The following PRDM16 variants were observed in gnomAD, a reference collection of about 807,000 sequenced individuals.
PRDM16 encodes PR/SET domain 16.
In PRDM16, 23 loss-of-function variants were observed where a neutral mutation model predicts 110.6. The observed-to-expected ratio is 0.21, with a 90% CI of 0.15 to 0.29. The LOEUF (loss-of-function observed/expected upper bound fraction) is 0.29. Among genes scored for constraint, PRDM16 ranks in the 10% least tolerant of loss-of-function variants. The probability of loss-of-function intolerance (pLI) is 1.00; values close to 1 mark genes in which losing one functional copy is unlikely to be tolerated. For synonymous variants in PRDM16, 799 were observed against 781.8 expected (o/e 1.02, Z -0.37); for missense variants, 1,615 against 1,794.3 (o/e 0.90, Z 1.81).
Position 3,404,906 on chromosome 1 carries a change from C to T in PRDM16, c.1032+20C>T, listed in dbSNP as rs750848410. ...GTGAAGGTAACCTGCGGGGCGGCCC[C>T]GTCTCAGCCCCGGGGCAGCAGGAGG... On this transcript the variant is annotated intron_variant, in intron 7 of 16. Transcript: ENST00000270722. 1.7e-5 allele frequency: 27 copies of T among 1,609,880 alleles called. No homozygotes were observed. Among genetic ancestry groups the T allele is most frequent in the African/African-American group, 1.3e-4 (10 of 74,744 alleles).
intron 3 of PRDM16, among the ~76,000 whole-genome samples, chr1:3,295,707 G>A (rs1193105652): frequency 6.6e-6 from 1 of 152,188 alleles, no homozygotes; most frequent in Non-Finnish European, 1.5e-5. Context: ...TCTGGGGGAA[G>A]CTCCGTTGAC....
At chr1:3,073,664 C>A (rs1048415698) in intron 1 of PRDM16, among the ~76,000 whole-genome samples, 6 of 152,178 alleles carry the variant, frequency 3.9e-5, no homozygotes, top group African/African-American at 1.4e-4. Flanking sequence ...GGTCGGGGAG[C>A]GGGGCCTGGG....
chr1:3,129,102 G>A (rs879337252), intron 1 of PRDM16, among the ~76,000 whole-genome samples: 12 of 152,214 alleles, frequency 7.9e-5, no homozygotes, highest in Admixed American at 6.5e-4. Flanking sequence ...TGGCTGGTGT[G>A]CGTGCATGGG....
rs753875526 is a variant in PRDM16 at position 3,404,725 on chromosome 1, C to T, written c.885-14C>T. 1.1e-5 allele frequency: 17 copies of T among 1,612,832 alleles called. No individual in the cohort carries two copies. Among genetic ancestry groups the T allele is most frequent in the African/African-American group, 1.3e-5 (1 of 75,040 alleles). On this transcript the variant is annotated splice_polypyrimidine_tract_variant and intron_variant, in intron 6 of 16. Transcript: ENST00000270722. ...GGTAGTCGGGCCCCGCAGTGAGCCT[C>T]GTCCTCTGCGCAGCCTGGAGCAGCA...
intron 1 of PRDM16, among the ~76,000 whole-genome samples, chr1:3,096,331 T>A (rs991443428): frequency 1.2e-4 from 18 of 152,226 alleles, no homozygotes; most frequent in African/African-American, 3.6e-4. Context: ...CGCGGGCCCC[T>A]TCCTCACGTC....
In PRDM16 at chr1:3,390,000, C is replaced by T. The variant is rs555104718; in HGVS notation, c.573+4714C>T. Among the ~76,000 whole-genome samples the T allele has an allele frequency of 4.1e-5, 5 of 122,294 alleles. No homozygotes were observed. In the South Asian group the frequency reaches 1.5e-3, roughly 36 times the overall value. 80.2% of individuals were successfully genotyped at this position (122,294 alleles called of 152,430 possible). A position where few individuals can be genotyped will look rare whatever the true frequency, so the allele number is the denominator to read the frequency against. On this transcript the variant is annotated intron_variant, in intron 4 of 16. Coordinates refer to ENST00000270722, the MANE Select transcript of PRDM16 (RefSeq NM_022114.4). ...CTCCTACTTTCCCTTTTGGAAAATT[C>T]AAGACACTCAGATCACCCCTGGGTG...
intron 3 of PRDM16, among the ~76,000 whole-genome samples, chr1:3,344,725 G>T (rs540302431): frequency 1.3e-3 from 194 of 152,296 alleles, no homozygotes; most frequent in African/African-American, 4.5e-3. Flanking sequence ...TGAGTTTGCA[G>T]AAGTGTGGCT....
intron 3 of PRDM16, among the ~76,000 whole-genome samples, chr1:3,368,690 A>AT (rs1259825367): frequency 6.6e-6 from 1 of 152,088 alleles, no homozygotes; most frequent in Non-Finnish European, 1.5e-5. Flanking sequence ...ATTCAGCAGG[A>AT]TTTTTTCTTC....
At chr1:3,145,778 G>T (rs559277654) in intron 1 of PRDM16, among the ~76,000 whole-genome samples, 1 of 152,316 alleles carries the variant, frequency 6.6e-6, no homozygotes, top group East Asian at 1.9e-4. Context: ...GCCCACCGAG[G>T]CTCCCGATAA....
At chr1:3,298,221 C>T (rs959391310) in intron 3 of PRDM16, among the ~76,000 whole-genome samples, 2 of 152,216 alleles carry the variant, frequency 1.3e-5, no homozygotes, top group Admixed American at 1.3e-4. Context: ...CCTGAGTGTG[C>T]AGGGGACACT....
chr1:3,132,678 G>T lies in PRDM16; in HGVS notation c.38-53447G>T, dbSNP rs375265141. On this transcript the variant is annotated intron_variant, in intron 1 of 16. Transcript: ENST00000270722. ...CCCGGTTCATACTGTTGCCCGAGAA[G>T]TCAACACCTCTGCCTCCCAAGAGAG... 4.6e-5 allele frequency among the ~76,000 whole-genome samples: 7 copies of T among 152,316 alleles called. No individual in the cohort carries two copies. The East Asian group carries it at 1.2e-3, about 25-fold the overall frequency.
At chr1:3,254,945 G>A (rs1245883013) in intron 3 of PRDM16, among the ~76,000 whole-genome samples, 1 of 152,182 alleles carries the variant, frequency 6.6e-6, no homozygotes, top group East Asian at 1.9e-4. Context: ...CATGGTACTG[G>A]AACCAAAACA....
In PRDM16 at chr1:3,434,987, G is replaced by A. The variant is rs765513204; in HGVS notation, c.*1176G>A. 39 of 228,174 alleles carry A rather than the reference G, an allele frequency of 1.7e-4. No homozygotes were observed. The highest frequency in any genetic ancestry group is 1.4e-4 in the Non-Finnish European group (16 of 114,946). The allele number at this position is 228,174 out of a possible 1,614,324, so 14.1% of individuals were successfully genotyped here. A position where few individuals can be genotyped will look rare whatever the true frequency, so the allele number is the denominator to read the frequency against. On this transcript the variant is annotated 3_prime_UTR_variant, in exon 17 of 17. Transcript: ENST00000270722. ...CCTGTGCCTGAGACTCCGGATGGACGACACAGTCGTCACGTCGCTCTTCCT... is the reference window on the plus strand; with the variant it reads ...CCTGTGCCTGAGACTCCGGATGGACAACACAGTCGTCACGTCGCTCTTCCT...
At chr1:3,319,540 G>A (rs1185342840) in intron 3 of PRDM16, among the ~76,000 whole-genome samples, 2 of 152,300 alleles carry the variant, frequency 1.3e-5, no homozygotes, top group East Asian at 3.9e-4. Flanking sequence ...TGAGAGGGGA[G>A]AGGCCCTCCC....
rs565016964 is a variant in PRDM16, at chr1:3,090,020, C to T, written c.37+20724C>T. ...TTTCTAAGAAGCTCTGTTCCAGCCT[C>T]GTACTTGTTCACAGCTTCACCGGAC... is the stretch of plus-strand genomic sequence containing the variant. On this transcript the variant is annotated intron_variant, in intron 1 of 16. Coordinates refer to ENST00000270722, the MANE Select transcript of PRDM16 (RefSeq NM_022114.4). Among the ~76,000 whole-genome samples the T allele has an allele frequency of 5.3e-5, 8 of 152,190 alleles. No homozygotes were observed. The South Asian group carries it at 1.0e-3, about 20-fold the overall frequency.
At chr1:3,225,988 C>T (rs999431170) in intron 2 of PRDM16, among the ~76,000 whole-genome samples, 4 of 152,210 alleles carry the variant, frequency 2.6e-5, no homozygotes, top group Non-Finnish European at 4.4e-5. Flanking sequence ...CTTAGTGGTC[C>T]CAGATCATTG....
chr1:3,126,376 T>C (rs1464495596), intron 1 of PRDM16, among the ~76,000 whole-genome samples: 2 of 152,132 alleles, frequency 1.3e-5, no homozygotes, highest in Admixed American at 6.5e-5. Flanking sequence ...CTCAGTCCAC[T>C]GCTCAGGTGG....
chr1:3,417,702 C>A, intron 10 of PRDM16, 126 bp from the exon 11 acceptor site: 2 of 801,536 alleles, frequency 2.5e-6, no homozygotes, highest in Non-Finnish European at 4.2e-6. Flanking sequence ...TACTAGGAGA[C>A]CATTGCTTCC....
chr1:3,110,758 G>A (rs1642773186), intron 1 of PRDM16, among the ~76,000 whole-genome samples: 1 of 152,238 alleles, frequency 6.6e-6, no homozygotes, highest in Non-Finnish European at 1.5e-5. Context: ...GGCTTCCTGT[G>A]GTCCTGGAGA....
Sources: allele counts gnomAD v4.1 joint callset (sites outside exome capture counted in the v4.1 genomes callset), GRCh38; gene constraint gnomAD v4.1.1; transcripts MANE v1.5; gene names NCBI Gene and HGNC (gene_info 2026-07-23, HGNC 2026-07-21).